KIF26B: variants seen among roughly 807,000 people sequenced by gnomAD.
KIF26B encodes the protein kinesin-like protein KIF26B.
In KIF26B, 63 loss-of-function variants were observed where a neutral mutation model predicts 151.2. The ratio of observed to expected loss-of-function variants is 0.42; its 90% CI spans 0.34 to 0.51. KIF26B has a LOEUF of 0.51. KIF26B is among the 20% of genes least tolerant of loss of function. The probability of loss-of-function intolerance (pLI) is 0.07; values close to 1 mark genes in which losing one functional copy is unlikely to be tolerated. For missense variants in KIF26B, 2,813 were observed against 2,913.6 expected, an observed-to-expected ratio of 0.97 and a Z score of 0.79; for synonymous variants, 1,357 against 1,262.1, an observed-to-expected ratio of 1.08 and a Z score of -1.59.
chr1:245,394,199 T>C (rs563365628), intron 3 of KIF26B, among the ~76,000 whole-genome samples: 1 of 152,326 alleles, frequency 6.6e-6, no homozygotes, highest in Admixed American at 6.5e-5. Flanking sequence ...CCTCTCCCAT[T>C]TTCTCTGTCG....
chr1:245,507,547 T>C (rs1307192134), intron 4 of KIF26B, among the ~76,000 whole-genome samples: 1 of 152,196 alleles, frequency 6.6e-6, no homozygotes, highest in Non-Finnish European at 1.5e-5. Context: ...ATTCTGTGGC[T>C]TTCTTCAGTG....
rs770826914 is a variant in KIF26B, at chr1:245,389,355, C to T, written c.999+21988C>T. Among the ~76,000 whole-genome samples the T allele has an allele frequency of 1.1e-4, 17 of 151,932 alleles. 1 individual carries two copies. Among genetic ancestry groups the T allele is most frequent in the South Asian group, 6.2e-4 (3 of 4,808 alleles). ...CTTGAACTCCTGACCTCAGGTGATC[C>T]GCCCACCTCGGCCTCCCAAAGTGCT... On this transcript the variant is annotated intron_variant, in intron 3 of 14. Coordinates refer to ENST00000407071, the MANE Select transcript of KIF26B (RefSeq NM_018012.4).
chr1:245,360,035 G>C (rs1672783679), intron 2 of KIF26B, among the ~76,000 whole-genome samples: 2 of 151,716 alleles, frequency 1.3e-5, no homozygotes, highest in South Asian at 4.2e-4. Context: ...ACCATGCCCG[G>C]CTAATTTTTT....
intron 10 of KIF26B, among the ~76,000 whole-genome samples, chr1:245,655,245 C>T (rs2044061010): frequency 6.6e-6 from 1 of 152,218 alleles, no homozygotes; most frequent in African/African-American, 2.4e-5. Context: ...CCTCGTCCAC[C>T]TCAGAAACAT....
At position 245,687,768 on chromosome 1, in the gene KIF26B, T is replaced by A. The variant is rs574920957; in HGVS notation, c.4785T>A (p.Thr1595=). The change falls in exon 12 of 15, where the codon ACT becomes ACA. Residue 1595 remains threonine (T), a synonymous_variant. Transcript: ENST00000407071. This position sits in a 1 kb window ranked among gnomAD's most constrained non-coding sequence, Gnocchi z 4.9. ...GTGTTCTGGCTCGGCCCAAAGGGAC[T>A]CCCCCTCTGCCCCCTGTCCGAAAGT... ...KHCVLARPKG[T]PPLPPVRKSS... 2 of 1,581,314 alleles carry A rather than the reference T, an allele frequency of 1.3e-6. No homozygotes were observed. Among genetic ancestry groups the A allele is most frequent in the African/African-American group, 1.4e-5 (1 of 73,816 alleles).
intron 2 of KIF26B, among the ~76,000 whole-genome samples, chr1:245,219,127 CTTTTTTTT>C (rs1166578525): frequency 4.1e-4 from 23 of 56,188 alleles, no homozygotes; most frequent in South Asian, 2.6e-3. Flanking sequence ...ATACCTACCT[CTTTTTTTT>C]TTTTTTTTTT....
intron 4 of KIF26B, among the ~76,000 whole-genome samples, chr1:245,443,407 AGGTCATCTCCCTCACTGTTCACCCTGC>A (rs1485882381): frequency 0.13 from 14,454 of 108,632 alleles, 1,226 homozygotes; most frequent in African/African-American, 0.21. Context: ...CCTAGAGGAG[AGGTCATCTCCCTCACTGTTCACCCTGC>A]GGTCATCTCC....
chr1:245,238,640 C>T (rs1351571769), intron 2 of KIF26B, among the ~76,000 whole-genome samples: 1 of 152,130 alleles, frequency 6.6e-6, no homozygotes, highest in African/African-American at 2.4e-5. Flanking sequence ...ACGGGTGGAT[C>T]ACTTGAGGTC....
chr1:245,705,341 A>G lies in KIF26B; in HGVS notation c.*2735A>G, dbSNP rs2044827116. On this transcript the variant is annotated 3_prime_UTR_variant, in exon 15 of 15. Transcript: ENST00000407071. Reference sequence around the variant, plus strand: ...TTACCAATATTGATAAACCACATGAAGAAATCAGGCATTTTACGTTATGAT... The same window carrying G: ...TTACCAATATTGATAAACCACATGAGGAAATCAGGCATTTTACGTTATGAT... 3 of 152,174 alleles carry G rather than the reference A, an allele frequency of 2.0e-5. No individual in the cohort carries two copies. In the South Asian group the frequency reaches 6.2e-4, roughly 32 times the overall value. The allele number at this position is 152,174 out of a possible 1,614,324, so 9.4% of individuals were successfully genotyped here.
chr1:245,171,281 C>A (rs548271785), intron 2 of KIF26B, among the ~76,000 whole-genome samples: 1 of 152,314 alleles, frequency 6.6e-6, no homozygotes, highest in South Asian at 2.1e-4. Flanking sequence ...CGGTGGCTCA[C>A]GCCTGTAATC....
intron 2 of KIF26B, among the ~76,000 whole-genome samples, chr1:245,253,181 G>A (rs1670475066): frequency 1.3e-5 from 2 of 151,540 alleles, no homozygotes; most frequent in African/African-American, 4.9e-5. Context: ...AGCTAATTTT[G>A]TATTTTTAGT....
chr1:245,165,183 AG>A (rs1668595899), intron 2 of KIF26B, among the ~76,000 whole-genome samples: 1 of 151,996 alleles, frequency 6.6e-6, no homozygotes. Context: ...AGAATGACAC[AG>A]ACTGAACTAG....
chr1:245,552,019 G>T (rs1363454066), intron 5 of KIF26B, among the ~76,000 whole-genome samples: 1 of 150,476 alleles, frequency 6.6e-6, no homozygotes, highest in Non-Finnish European at 1.5e-5. Flanking sequence ...GTTCCCCTTT[G>T]AATCCAGAGC....
chr1:245,413,571 G>A (rs1558156256), intron 3 of KIF26B, among the ~76,000 whole-genome samples: 1 of 152,220 alleles, frequency 6.6e-6, no homozygotes, highest in Non-Finnish European at 1.5e-5. Context: ...GCTGAGGCGG[G>A]AGAATCGCTT....
intron 2 of KIF26B, among the ~76,000 whole-genome samples, chr1:245,169,772 A>C (rs1668679657): frequency 6.6e-6 from 1 of 152,118 alleles, no homozygotes; most frequent in African/African-American, 2.4e-5. Context: ...TAGAGGGCTC[A>C]TAATTATTAG....
chr1:245,405,180 C>T (rs1674104665), intron 3 of KIF26B, among the ~76,000 whole-genome samples: 1 of 152,184 alleles, frequency 6.6e-6, no homozygotes, highest in African/African-American at 2.4e-5. Context: ...CGGGAAGCAA[C>T]TGTGACAAGC....
At chr1:245,633,106 T>G (rs2043798688) in intron 9 of KIF26B, among the ~76,000 whole-genome samples, 1 of 152,082 alleles carries the variant, frequency 6.6e-6, no homozygotes, top group Non-Finnish European at 1.5e-5. Flanking sequence ...TGACCTTATT[T>G]GTCACTTTTT....
At chr1:245,394,692 T>C (rs189557130) in intron 3 of KIF26B, among the ~76,000 whole-genome samples, 3,465 of 144,922 alleles carry the variant, frequency 0.024, 86 homozygotes, top group Middle Eastern at 0.038. Context: ...TTCTTTCTTT[T>C]TTTTTTTTTT....
chr1:245,645,324 T>C (rs774126776), intron 9 of KIF26B, among the ~76,000 whole-genome samples: 17 of 152,168 alleles, frequency 1.1e-4, no homozygotes, highest in Non-Finnish European at 2.2e-4. Context: ...CTACATCAGG[T>C]GTGCTGATCA....
Sources: gnomAD v4.1 joint callset for allele counts (sites outside exome capture counted in the v4.1 genomes callset) on GRCh38, gnomAD v4.1.1 for gene constraint, Gnocchi (gnomAD v3.1) non-coding constraint, MANE v1.5 for transcripts, NCBI Gene and HGNC (gene_info 2026-07-23, HGNC 2026-07-21) for gene names.